The following C5orf22 variants were observed in gnomAD, a reference collection of about 807,000 sequenced individuals.
The protein encoded by C5orf22 is chromosome 5 open reading frame 22, also known as UPF0489 protein C5orf22.
Under a neutral mutation model 48.7 loss-of-function variants are expected in C5orf22, and 36 were observed. The ratio of observed to expected loss-of-function variants is 0.74; its 90% CI spans 0.57 to 0.98. The LOEUF (loss-of-function observed/expected upper bound fraction) is 0.98, where lower values mean the gene tolerates loss of function less well. C5orf22 is among the 50% of genes least tolerant of loss of function. The pLI, the probability that C5orf22 is intolerant of heterozygous loss-of-function variation, is 0.00. For missense variants in C5orf22, 486 were observed against 521.9 expected (o/e 0.93, Z 0.67); for synonymous variants, 141 against 180.8 (o/e 0.78, Z 1.76).
Position 31,534,306 on chromosome 5 carries a change from A to C in C5orf22, c.116A>C (p.Lys39Thr). 1 of 1,614,030 alleles carries C rather than the reference A, an allele frequency of 6.2e-7. No homozygotes were observed. Among genetic ancestry groups the C allele is most frequent in the Non-Finnish European group, 8.5e-7 (1 of 1,179,908 alleles). ...LPFIYRAIGS[K>T]HLPASNVSFL... ...TTTATATACCGGGCCATAGGCTCAA[A>C]GCATCTTCCTGCCAGTAATGTAAGT... Residue 39 changes from lysine (K) to threonine (T), a missense_variant, in exon 2 of 9, where the codon AAG (lysine) becomes ACG (threonine). Lys to Thr is a moderately conservative substitution (Grantham distance 78). Around this residue, in one of 3 missense-constraint regions of C5orf22, gnomAD observed 74 missense variants for 61.2 expected, o/e 1.21. Coordinates refer to ENST00000325366, the MANE Select transcript of C5orf22 (RefSeq NM_018356.3).
chr5:31,542,757 AAAT>A (rs1263222866), intron 6 of C5orf22, among the ~76,000 whole-genome samples: 5 of 152,222 alleles, frequency 3.3e-5, no homozygotes, highest in African/African-American at 1.2e-4. Context: ...CAGAAAACTA[AAAT>A]AAAACCATCA....
intron 2 of C5orf22, among the ~76,000 whole-genome samples, chr5:31,535,419 T>G (rs1440827414): frequency 6.6e-6 from 1 of 152,242 alleles, no homozygotes; most frequent in East Asian, 1.9e-4. Context: ...TTATATTTAT[T>G]TATTTATTTA....
chr5:31,539,511 CTAAATATTTGTAA>C (rs1029310671), intron 4 of C5orf22, among the ~76,000 whole-genome samples: 3 of 152,138 alleles, frequency 2.0e-5, no homozygotes, highest in African/African-American at 4.8e-5. Flanking sequence ...GATTACTCAC[CTAAATATTTGTAA>C]TAAATATTTG....
At chr5:31,534,147 C>A in intron 1 of C5orf22, 125 bp from the exon 2 acceptor site, 3 of 834,902 alleles carry the variant, frequency 3.6e-6, no homozygotes, top group Non-Finnish European at 5.6e-6. Flanking sequence ...TATGTTTTTC[C>A]ACTTTACAGC....
At chr5:31,532,813 C>T (rs1741672510) in intron 1 of C5orf22, among the ~76,000 whole-genome samples, 1 of 152,036 alleles carries the variant, frequency 6.6e-6, no homozygotes, top group Admixed American at 6.6e-5. Flanking sequence ...CCAAGTATCT[C>T]CTGGAATCGC....
At chr5:31,546,667 CAAGA>C (rs1561328272) in intron 7 of C5orf22, among the ~76,000 whole-genome samples, 2 of 152,230 alleles carry the variant, frequency 1.3e-5, no homozygotes, top group East Asian at 3.9e-4. Flanking sequence ...TGGTGGCAGA[CAAGA>C]GAGAGAGCTT....
At chr5:31,540,872 C>A in intron 4 of C5orf22, 77 bp from the exon 5 acceptor site, 2 of 1,028,594 alleles carry the variant, frequency 1.9e-6, no homozygotes, top group Non-Finnish European at 1.5e-6. Context: ...GGAAGGTTGT[C>A]TCTTCCTTAA....
At chr5:31,534,495 G>A in intron 2 of C5orf22, 78 bp downstream of exon 2, 1 of 1,329,036 alleles carries the variant, frequency 7.5e-7, no homozygotes, top group Non-Finnish European at 1.0e-6. Flanking sequence ...ATAGGAAATA[G>A]ACTTTGCTAA....
At chr5:31,536,052 C>T (rs1329752299) in intron 3 of C5orf22, among the ~76,000 whole-genome samples, 159 bp downstream of exon 3, 1 of 152,192 alleles carries the variant, frequency 6.6e-6, no homozygotes, top group African/African-American at 2.4e-5. Context: ...ACTTTTAAGT[C>T]TCTTGATATT....
At chr5:31,542,392 G>A (rs548628474) in intron 6 of C5orf22, among the ~76,000 whole-genome samples, 2 of 150,776 alleles carry the variant, frequency 1.3e-5, no homozygotes, top group South Asian at 2.1e-4. Context: ...TCCGGGAGGC[G>A]GAGCTTGCAG....
chr5:31,540,351 G>T (rs1440790800), intron 4 of C5orf22, among the ~76,000 whole-genome samples: 1 of 152,184 alleles, frequency 6.6e-6, no homozygotes, highest in Non-Finnish European at 1.5e-5. Context: ...CCATGTAGCT[G>T]TGCTAAACAA....
chr5:31,541,522 G>A, intron 6 of C5orf22, 120 bp downstream of exon 6: 1 of 1,045,772 alleles, frequency 9.6e-7, no homozygotes, highest in South Asian at 1.6e-5. Flanking sequence ...GGGACACTGA[G>A]GCAGGAGAGG....
At chr5:31,545,010 C>CT (rs1194621779) in intron 6 of C5orf22, among the ~76,000 whole-genome samples, 1 of 146,638 alleles carries the variant, frequency 6.8e-6, no homozygotes, top group East Asian at 2.0e-4. Flanking sequence ...AGGAAACAGC[C>CT]TTTTTTCATC....
At chr5:31,538,724 G>T (rs750721287) in intron 4 of C5orf22, 35 bp downstream of exon 4, 27 of 1,478,842 alleles carry the variant, frequency 1.8e-5, no homozygotes, top group Non-Finnish European at 2.3e-5. Flanking sequence ...TAGATCTTGA[G>T]AATTGTATGG....
rs947769722 is a variant in C5orf22 at position 31,534,502 on chromosome 5, C to G, written c.227+85C>G. 4.0e-6 allele frequency: 5 copies of G among 1,244,612 alleles called. No individual in the cohort carries two copies. In the African/African-American group the frequency reaches 7.6e-5, roughly 19 times the overall value. 77.1% of individuals were successfully genotyped at this position (1,244,612 alleles called of 1,614,324 possible). On this transcript the variant is annotated intron_variant, in intron 2 of 8. Coordinates refer to ENST00000325366, the MANE Select transcript of C5orf22 (RefSeq NM_018356.3). ...AAGCAATTATAGGAAATAGACTTTG[C>G]TAAACTCATGGGTTTGGGGGTTTTT...
intron 6 of C5orf22, 92 bp downstream of exon 6, chr5:31,541,494 A>C: frequency 7.2e-7 from 1 of 1,398,400 alleles, no homozygotes; most frequent in Non-Finnish European, 9.9e-7. Flanking sequence ...CTTTTAAAAA[A>C]GTAGTATTCA....
At chr5:31,551,530 G>A (rs778775358) in intron 8 of C5orf22, 98 bp downstream of exon 8, 22 of 935,354 alleles carry the variant, frequency 2.4e-5, no homozygotes, top group South Asian at 3.3e-5. Flanking sequence ...AAGGAAATTC[G>A]CAGTGTGATT....
At position 31,532,439 on chromosome 5, in the gene C5orf22, A is replaced by G. The variant is rs1286489095; in HGVS notation, c.47A>G (p.Lys16Arg). Residue 16 changes from lysine to arginine, a missense_variant, in exon 1 of 9, where the codon AAG becomes AGG. This residue lies in a region of C5orf22 where 74 missense variants were observed against 61.2 expected (regional missense o/e 1.21). Transcript: ENST00000325366. ...CGCGCTGGTCTCCGGCGTTACCCCA[A>G]GCTCCCAGTGTGGGTGGTGGAGGAT... is the stretch of plus-strand genomic sequence containing the variant. ...GGRAGLRRYP[K>R]LPVWVVEDHQ... The G allele has an allele frequency of 9.9e-6, 16 of 1,613,930 alleles. No homozygotes were observed. The Middle Eastern group carries it at 5.0e-4, about 50-fold the overall frequency.
At chr5:31,541,930 A>G (rs900657412) in intron 6 of C5orf22, among the ~76,000 whole-genome samples, 1 of 151,962 alleles carries the variant, frequency 6.6e-6, no homozygotes, top group African/African-American at 2.4e-5. Context: ...TATTATGTCA[A>G]TTTTATAGAT....
Sources: allele counts gnomAD v4.1 joint callset (sites outside exome capture counted in the v4.1 genomes callset), GRCh38; gene constraint gnomAD v4.1.1; regional missense constraint gnomAD v4.1.1; transcripts MANE v1.5; gene names NCBI Gene and HGNC (gene_info 2026-07-23, HGNC 2026-07-21).